The following ABCB11 variants were observed in gnomAD, a reference collection of about 807,000 sequenced individuals.
The protein encoded by ABCB11 is ATP binding cassette subfamily B member 11.
ABCB11 carries 95 observed loss-of-function variants against 148.0 expected under a neutral mutation model. The ratio of observed to expected loss-of-function variants is 0.64; its 90% CI spans 0.54 to 0.76. The LOEUF (loss-of-function observed/expected upper bound fraction) is 0.76, where lower values mean the gene tolerates loss of function less well. ABCB11 is among the 30% of genes least tolerant of loss of function. The probability of loss-of-function intolerance (pLI) is 0.00; values close to 1 mark genes in which losing one functional copy is unlikely to be tolerated. For missense variants in ABCB11, 1,523 were observed against 1,617.8 expected, an observed-to-expected ratio of 0.94 and a Z score of 1.01; for synonymous variants, 591 against 555.4, an observed-to-expected ratio of 1.06 and a Z score of -0.90.
intron 1 of ABCB11, among the ~76,000 whole-genome samples, chr2:169,025,137 T>A (rs1413434532): frequency 6.6e-6 from 1 of 152,198 alleles, no homozygotes; most frequent in Non-Finnish European, 1.5e-5. Flanking sequence ...AAAAATTTAG[T>A]CTCCATTTAT....
chr2:168,973,052 T>G (rs1693657136), intron 13 of ABCB11, among the ~76,000 whole-genome samples: 1 of 152,064 alleles, frequency 6.6e-6, no homozygotes, highest in Non-Finnish European at 1.5e-5. Context: ...TTCTTAGGAC[T>G]GCTCTCTCTT....
At chr2:169,007,306 G>C (rs182504337) in intron 5 of ABCB11, among the ~76,000 whole-genome samples, 3 of 152,244 alleles carry the variant, frequency 2.0e-5, no homozygotes, top group Non-Finnish European at 2.9e-5. Context: ...ATGCAGATAG[G>C]AATCAATTTG....
chr2:168,968,286 T>G lies in ABCB11; in HGVS notation c.2075+141A>C, dbSNP rs1345762283. On this transcript the variant is annotated intron_variant, in intron 17 of 27. Coordinates refer to ENST00000650372, the MANE Select transcript of ABCB11 (RefSeq NM_003742.4). ...GTCAATATAGCAACCAAGGATCACT[T>G]GCATGTTCATATTTGACAAGACCTG... 8 of 729,992 alleles carry G rather than the reference T, an allele frequency of 1.1e-5. No individual in the cohort carries two copies. The East Asian group carries it at 2.2e-4, about 20-fold the overall frequency. The allele number at this position is 729,992 out of a possible 1,614,324, so 45.2% of individuals were successfully genotyped here. A position where few individuals can be genotyped will look rare whatever the true frequency, so the allele number is the denominator to read the frequency against.
Position 168,986,322 on chromosome 2 carries a change from A to C in ABCB11, c.909-38T>G, listed in dbSNP as rs762058432. The C allele has an allele frequency of 5.8e-6, 9 of 1,559,454 alleles. No individual in the cohort carries two copies. In the East Asian group the frequency reaches 1.8e-4, roughly 31 times the overall value. On this transcript the variant is annotated intron_variant, in intron 9 of 27. Transcript: ENST00000650372. ...AATGCTTGAGTCAATTTCGGCAGAAACAGCTCAAGTTATAATGTTTAAAAC... is the reference window on the plus strand; with the variant it reads ...AATGCTTGAGTCAATTTCGGCAGAACCAGCTCAAGTTATAATGTTTAAAAC...
At chr2:168,990,733 A>T in intron 9 of ABCB11, 68 bp downstream of exon 9, 5 of 1,596,602 alleles carry the variant, frequency 3.1e-6, no homozygotes, top group Non-Finnish European at 4.3e-6. Flanking sequence ...CTTTGCACAA[A>T]CTGAGAGACT....
chr2:168,973,933 C>G, intron 12 of ABCB11, 93 bp from the exon 13 acceptor site: 1 of 1,435,652 alleles, frequency 7.0e-7, no homozygotes. Flanking sequence ...TGTTGATACT[C>G]GGTGTCTGTG....
Position 168,944,870 on chromosome 2 carries a change from G to T in ABCB11, c.2435C>A (p.Thr812Asn). 1 of 1,587,900 alleles carries T rather than the reference G, an allele frequency of 6.3e-7. No homozygotes were observed. The highest frequency in any genetic ancestry group is 8.6e-7 in the Non-Finnish European group (1 of 1,165,786). ...AACATTTCTTACCTGTAGAAATTGG[G>T]TGAAAAGAGATACACAGCCCATTGC... ...FVAMGCVSLF[T>N]QFLQGYAFAK... The change falls in exon 20 of 28, where the codon ACC becomes AAC. Residue 812 changes from threonine (T) to asparagine (N), a missense_variant. Physicochemically the swap from Thr to Asn is moderately conservative, Grantham distance 65. Coordinates refer to ENST00000650372, the MANE Select transcript of ABCB11 (RefSeq NM_003742.4).
chr2:168,972,020 G>C lies in ABCB11; in HGVS notation c.1465C>G (p.Leu489Val), dbSNP rs944713270. The change falls in exon 14 of 28, where the codon CTT (leucine) becomes GTT (valine). Residue 489 changes from leucine (L) to valine (V), a missense_variant. Coordinates refer to ENST00000650372, the MANE Select transcript of ABCB11 (RefSeq NM_003742.4). ...TGATCTCTAAGCCACTGAATGTTAA[G>C]AGAGCGAATGTCATGGCCATCCACG... ...VTVDGHDIRSLNIQWLRDQIG... is the reference protein window; with the variant it reads ...VTVDGHDIRSVNIQWLRDQIG... 11 of 1,612,682 alleles carry C rather than the reference G, an allele frequency of 6.8e-6. No homozygotes were observed. In the African/African-American group the frequency reaches 1.3e-4, roughly 20 times the overall value.
intron 2 of ABCB11, among the ~76,000 whole-genome samples, chr2:169,017,720 C>G (rs778842036): frequency 1.3e-5 from 2 of 152,046 alleles, no homozygotes; most frequent in East Asian, 3.9e-4. Context: ...TAAGGAGGAG[C>G]GCTCACTCAA....
intron 23 of ABCB11, 151 bp downstream of exon 23, chr2:168,935,033 A>G (rs1293151679): frequency 1.6e-5 from 19 of 1,165,044 alleles, no homozygotes; most frequent in Non-Finnish European, 1.2e-6. Context: ...CGCCCTGATG[A>G]CCCACAGAAT....
intron 5 of ABCB11, among the ~76,000 whole-genome samples, chr2:169,008,778 A>G (rs1488687485): frequency 6.6e-6 from 1 of 152,200 alleles, no homozygotes. Context: ...TGATACAGCA[A>G]TTCCACACTT....
At chr2:168,929,223 T>C (rs1691455521) in intron 25 of ABCB11, among the ~76,000 whole-genome samples, 1 of 151,962 alleles carries the variant, frequency 6.6e-6, no homozygotes, top group Admixed American at 6.6e-5. Flanking sequence ...GGGTAAAAAC[T>C]AGAAAAAGGA....
At chr2:168,923,864 T>A (rs746959376) in intron 27 of ABCB11, 42 bp from the exon 28 acceptor site, 1 of 1,587,444 alleles carries the variant, frequency 6.3e-7, no homozygotes, top group Admixed American at 1.7e-5. Flanking sequence ...GATGCATGAT[T>A]GCTCCCCAGC....
intron 5 of ABCB11, among the ~76,000 whole-genome samples, chr2:169,010,081 C>T (rs1387280371): frequency 6.6e-6 from 1 of 152,174 alleles, no homozygotes; most frequent in Non-Finnish European, 1.5e-5. Context: ...CTAAAATTCT[C>T]ATCTGGCAAT....
chr2:168,966,755 A>G lies in ABCB11; in HGVS notation c.2075+1672T>C, dbSNP rs191355997. Among the ~76,000 whole-genome samples, 9 of 151,996 alleles carry G rather than the reference A, an allele frequency of 5.9e-5. No homozygotes were observed. The East Asian group carries it at 9.7e-4, about 16-fold the overall frequency. On this transcript the variant is annotated intron_variant, in intron 17 of 27. Transcript: ENST00000650372. ...TTCATTTAGTCATCTTTTAACGACA[A>G]CAAGAAAAATCCGTCAGCATGTACA...
At chr2:168,966,726 A>C (rs537806719) in intron 17 of ABCB11, among the ~76,000 whole-genome samples, 7 of 152,042 alleles carry the variant, frequency 4.6e-5, no homozygotes, top group African/African-American at 1.4e-4. Flanking sequence ...ATACATATTA[A>C]CACTTCATTT....
At chr2:168,954,229 T>C (rs907347793) in intron 19 of ABCB11, among the ~76,000 whole-genome samples, 2 of 147,084 alleles carry the variant, frequency 1.4e-5, no homozygotes, top group Non-Finnish European at 3.0e-5. Context: ...TTTTTCTGTT[T>C]TTTTTGTCTT....
intron 13 of ABCB11, 68 bp downstream of exon 13, chr2:168,973,647 T>A: frequency 6.4e-7 from 1 of 1,564,650 alleles, no homozygotes. Flanking sequence ...ACCTTTCTGT[T>A]TGATCAATAT....
intron 10 of ABCB11, among the ~76,000 whole-genome samples, chr2:168,983,012 A>G (rs977628127): frequency 6.6e-6 from 1 of 152,174 alleles, no homozygotes; most frequent in Non-Finnish European, 1.5e-5. Flanking sequence ...AATTATTTAC[A>G]AAAGTAGAGT....
Sources: allele counts gnomAD v4.1 joint callset (sites outside exome capture counted in the v4.1 genomes callset), GRCh38; gene constraint gnomAD v4.1.1; transcripts MANE v1.5; gene names NCBI Gene and HGNC (gene_info 2026-07-23, HGNC 2026-07-21).